Variants in SRGAP3 observed in about 807,000 individuals in gnomAD.
The protein encoded by SRGAP3 is SLIT-ROBO Rho GTPase activating protein 3.
A neutral mutation model predicts 121.1 loss-of-function variants in SRGAP3; 39 were observed. The observed-to-expected ratio is 0.32, with a 90% CI of 0.25 to 0.42. The LOEUF is 0.42. Ranked by LOEUF, SRGAP3 falls within the 10% of genes least tolerant of loss-of-function variation. The pLI is 1.00. For missense variants in SRGAP3, 1,213 were observed against 1,470.6 expected, an observed-to-expected ratio of 0.82 and a Z score of 2.86; for synonymous variants, 601 against 570.0, an observed-to-expected ratio of 1.05 and a Z score of -0.77.
intron 3 of SRGAP3, among the ~76,000 whole-genome samples, chr3:9,080,979 A>G (rs2664090): frequency 0.3 from 46,279 of 152,026 alleles, 7,540 homozygotes; most frequent in South Asian, 0.37. Flanking sequence ...ATGTGCTTCA[A>G]TCATCCCGAA....
intron 1 of SRGAP3, chr3:9,216,580 G>A (rs889700646): frequency 6.6e-6 from 1 of 152,618 alleles, no homozygotes; most frequent in Non-Finnish European, 1.5e-5. Flanking sequence ...ACTTCAACTC[G>A]ATGGACTGTT....
intron 1 of SRGAP3, among the ~76,000 whole-genome samples, chr3:9,359,606 G>A (rs569768898): frequency 1.7e-4 from 26 of 152,318 alleles, no homozygotes; most frequent in African/African-American, 6.0e-4. Context: ...CCAGGATATG[G>A]GGTAGGGCCC....
chr3:9,019,927 T>C (rs1943830298), intron 14 of SRGAP3, among the ~76,000 whole-genome samples: 1 of 152,208 alleles, frequency 6.6e-6, no homozygotes, highest in Admixed American at 6.5e-5. Flanking sequence ...GACTTCTTTG[T>C]AGGGAAGGAA....
chr3:9,097,667 G>A (rs944135549), intron 3 of SRGAP3, among the ~76,000 whole-genome samples: 2 of 152,324 alleles, frequency 1.3e-5, no homozygotes, highest in East Asian at 1.9e-4. Flanking sequence ...CCTGGGGAAC[G>A]TATTCCCCCA....
chr3:9,319,241 G>T (rs1462033138), intron 3 of SRGAP3, among the ~76,000 whole-genome samples: 1 of 151,874 alleles, frequency 6.6e-6, no homozygotes, highest in Non-Finnish European at 1.5e-5. Flanking sequence ...CAAACCCAGC[G>T]ATGCTGGTTC....
At chr3:9,243,024 A>G (rs745392872) in intron 1 of SRGAP3, among the ~76,000 whole-genome samples, 10 of 152,134 alleles carry the variant, frequency 6.6e-5, no homozygotes, top group Non-Finnish European at 1.5e-4. Context: ...TCCTTCAACC[A>G]ATCACATGCC....
rs637172 is a variant in SRGAP3 at position 8,994,326 on chromosome 3, T to G, written c.2408+17A>C. The G allele has an allele frequency of 0.56, 906,390 of 1,613,378 alleles. 257,467 individuals carry two copies. Among genetic ancestry groups the G allele is most frequent in the African/African-American group, 0.67 (50,540 of 74,986 alleles). On this transcript the variant is annotated intron_variant, in intron 19 of 21. Transcript: ENST00000383836. ...ATCTATTTCGGCATTCTTCACAGAA[T>G]TCTCGACTCCACTCACATGTCCTGT...
At chr3:9,126,367 C>T (rs1257200282) in intron 1 of SRGAP3, among the ~76,000 whole-genome samples, 1 of 152,192 alleles carries the variant, frequency 6.6e-6, no homozygotes, top group Non-Finnish European at 1.5e-5. Context: ...CATGGTGGCT[C>T]ATGCCTTTAA....
At chr3:9,007,051 C>A (rs917726271) in intron 18 of SRGAP3, 6 of 150,476 alleles carry the variant, frequency 4.0e-5, no homozygotes, top group African/African-American at 1.5e-4. Flanking sequence ...GCCTCAACCT[C>A]CCTGGGCTTA....
Position 9,112,916 on chromosome 3 carries a change from G to A in SRGAP3, c.261-8074C>T, listed in dbSNP as rs554687024. On this transcript the variant is annotated intron_variant, in intron 2 of 21. Transcript: ENST00000383836. ...ACTCTCAGAAAATATTTGTGAGTAG[G>A]TGAAAAGTGCCCCCTGAGCTCAGAC... Among the ~76,000 whole-genome samples, 4 of 152,338 alleles carry A rather than the reference G, an allele frequency of 2.6e-5. No individual in the cohort carries two copies. The East Asian group carries it at 7.7e-4, about 29-fold the overall frequency.
chr3:9,213,758 C>A (rs1266150732), intron 1 of SRGAP3, among the ~76,000 whole-genome samples: 1 of 152,236 alleles, frequency 6.6e-6, no homozygotes. Context: ...ACCTCTCCCA[C>A]TTCTTGTGAC....
Position 8,992,997 on chromosome 3 carries a change from G to A in SRGAP3, c.2467C>T (p.Pro823Ser). The A allele has an allele frequency of 1.2e-6, 2 of 1,614,208 alleles. No individual in the cohort carries two copies. Among genetic ancestry groups the A allele is most frequent in the Non-Finnish European group, 1.7e-6 (2 of 1,180,044 alleles). ...GAAGAGGCCTTGTCATCCAGCAATGGCCCACTGCTGGCCTCGCTGTCAGCC... is the reference window on the plus strand; with the variant it reads ...GAAGAGGCCTTGTCATCCAGCAATGACCCACTGCTGGCCTCGCTGTCAGCC... ...QKADSEASSG[P>S]LLDDKASSKN... The change falls in exon 20 of 22, where the codon CCA (proline) becomes TCA (serine). Residue 823 changes from proline to serine, a missense_variant. Coordinates refer to ENST00000383836, the MANE Select transcript of SRGAP3 (RefSeq NM_014850.4).
intron 2 of SRGAP3, among the ~76,000 whole-genome samples, chr3:9,122,148 G>A (rs940610879): frequency 3.3e-5 from 5 of 152,182 alleles, no homozygotes; most frequent in Admixed American, 1.3e-4. Context: ...TGCTCGGTTC[G>A]ATACATTATC....
chr3:9,344,135 C>T (rs933360517), intron 1 of SRGAP3, among the ~76,000 whole-genome samples: 6 of 151,998 alleles, frequency 3.9e-5, no homozygotes, highest in Admixed American at 1.3e-4. Flanking sequence ...GCCTGGCCAA[C>T]GTGGTGAAAG....
At chr3:9,270,366 C>G (rs758364058) in intron 3 of SRGAP3, among the ~76,000 whole-genome samples, 1 of 152,042 alleles carries the variant, frequency 6.6e-6, no homozygotes, top group Non-Finnish European at 1.5e-5. Flanking sequence ...CAAAAACAGA[C>G]AACACTAATC....
chr3:9,279,494 A>C (rs1296767440), intron 3 of SRGAP3, among the ~76,000 whole-genome samples: 6 of 151,538 alleles, frequency 4.0e-5, no homozygotes, highest in African/African-American at 1.5e-4. Context: ...AACGGGAAGC[A>C]AAACGAATAC....
chr3:9,172,255 A>C (rs1354744876), intron 1 of SRGAP3, among the ~76,000 whole-genome samples: 1 of 151,656 alleles, frequency 6.6e-6, no homozygotes, highest in East Asian at 1.9e-4. Context: ...CACCATGCCC[A>C]GCTAATGGCT....
intron 1 of SRGAP3, among the ~76,000 whole-genome samples, chr3:9,201,537 G>A (rs1484304985): frequency 6.6e-6 from 1 of 152,250 alleles, no homozygotes; most frequent in African/African-American, 2.4e-5. Context: ...CCCAGCAAAG[G>A]CTTGGCCTTG....
At chr3:9,127,588 C>T (rs556588562) in intron 1 of SRGAP3, among the ~76,000 whole-genome samples, 1 of 152,260 alleles carries the variant, frequency 6.6e-6, no homozygotes, top group East Asian at 1.9e-4. Flanking sequence ...GCTGGGACGA[C>T]AGGTGCGCAC....
Sources: gnomAD v4.1 joint callset for allele counts (sites outside exome capture counted in the v4.1 genomes callset) on GRCh38, gnomAD v4.1.1 for gene constraint, MANE v1.5 for transcripts, NCBI Gene and HGNC (gene_info 2026-07-23, HGNC 2026-07-21) for gene names.